Variants in SMC4 observed in about 807,000 individuals in gnomAD.
SMC4 encodes structural maintenance of chromosomes protein 4.
Under a neutral mutation model 145.6 loss-of-function variants are expected in SMC4, and 87 were observed. The ratio of observed to expected loss-of-function variants is 0.60; its 90% CI spans 0.50 to 0.71. The LOEUF is 0.71. Among genes scored for constraint, SMC4 ranks in the 30% least tolerant of loss-of-function variants. The probability of loss-of-function intolerance (pLI) is 0.00; values close to 1 mark genes in which losing one functional copy is unlikely to be tolerated. For synonymous variants in SMC4, 558 were observed against 500.7 expected (o/e 1.11, Z -1.53); for missense variants, 1,447 against 1,537.1 (o/e 0.94, Z 0.98).
intron 4 of SMC4, among the ~76,000 whole-genome samples, chr3:160,403,792 T>C (rs1470766413): frequency 6.6e-6 from 1 of 152,140 alleles, no homozygotes; most frequent in Non-Finnish European, 1.5e-5. Context: ...GCAATTGATT[T>C]TTTTAAAAAT....
At chr3:160,416,565 G>A in intron 10 of SMC4, 150 bp downstream of exon 10, 1 of 449,198 alleles carries the variant, frequency 2.2e-6, no homozygotes, top group Non-Finnish European at 3.9e-6. Context: ...AGACTTAGAT[G>A]ACTATTCTTT....
chr3:160,402,406 C>G (rs1028582335), intron 3 of SMC4, among the ~76,000 whole-genome samples: 11 of 151,960 alleles, frequency 7.2e-5, no homozygotes, highest in African/African-American at 1.9e-4. Context: ...TTAAAGCCTT[C>G]TATGGAACCC....
rs199883937 is a variant in SMC4 at position 160,426,613 on chromosome 3, A to AT, written c.2605+421dup. Among the ~76,000 whole-genome samples, 369 of 151,936 alleles carry AT rather than the reference A, an allele frequency of 2.4e-3. 2 individuals are homozygous for AT. In the East Asian group the frequency reaches 0.029, roughly 12 times the overall value. On this transcript the variant is annotated intron_variant, in intron 17 of 23. Coordinates refer to ENST00000357388, the MANE Select transcript of SMC4 (RefSeq NM_001002800.3). ...GAAAACTTAAAATATATATATATGT[A>AT]TTTTTTTTCTTTCATAACTTCTTCT... is the stretch of plus-strand genomic sequence containing the variant.
chr3:160,412,514 C>A (rs1559996404), intron 7 of SMC4, 61 bp downstream of exon 7: 1 of 1,489,992 alleles, frequency 6.7e-7, no homozygotes, highest in Non-Finnish European at 8.9e-7. Context: ...AAGTCAAAGC[C>A]CTTCTCTTTT....
Position 160,412,678 on chromosome 3 carries a change from A to G in SMC4, c.980+225A>G, listed in dbSNP as rs1009391812. The G allele has an allele frequency of 1.0e-5, 9 of 882,558 alleles. No homozygotes were observed. The African/African-American group carries it at 1.3e-4, about 12-fold the overall frequency. The allele number at this position is 882,558 out of a possible 1,614,324, so 54.7% of individuals were successfully genotyped here. On this transcript the variant is annotated intron_variant, in intron 7 of 23. Coordinates refer to ENST00000357388, the MANE Select transcript of SMC4 (RefSeq NM_001002800.3). The stretch of plus-strand genomic sequence containing the variant: ...GGAGTTCAAGACCAGCCTGGGCAAC[A>G]TAGCAAGACCCCATCTCTACAAAAA...
chr3:160,431,105 A>C lies in SMC4; in HGVS notation c.3014A>C (p.His1005Pro), dbSNP rs771796538. 1 of 1,608,736 alleles carries C rather than the reference A, an allele frequency of 6.2e-7. No individual in the cohort carries two copies. The highest frequency in any genetic ancestry group is 1.7e-5 in the Admixed American group (1 of 58,564). ...TTAAAAGTTATTCAAGAAAATGAAC[A>C]TGCTCTTCAAAAAGATGCACTTAGT... ...QELKVIQENE[H>P]ALQKDALSIK... Residue 1005 changes from histidine (H) to proline (P), a missense_variant, in exon 20 of 24, where the codon CAT (histidine) becomes CCT (proline). Physicochemically the swap from His to Pro is moderately conservative, Grantham distance 77. Coordinates refer to ENST00000357388, the MANE Select transcript of SMC4 (RefSeq NM_001002800.3).
intron 22 of SMC4, 96 bp from the exon 23 acceptor site, chr3:160,432,930 A>G (rs1046377881): frequency 4.9e-6 from 4 of 814,268 alleles, no homozygotes; most frequent in Non-Finnish European, 7.9e-6. Flanking sequence ...ACAGATTCCT[A>G]AAAAAGATAG....
rs181716883 is a variant in SMC4 at position 160,429,057 on chromosome 3, T to C, written c.2795+115T>C. 20 of 834,704 alleles carry C rather than the reference T, an allele frequency of 2.4e-5. No individual in the cohort carries two copies. In the East Asian group the frequency reaches 5.6e-4, roughly 23 times the overall value. The allele number at this position is 834,704 out of a possible 1,614,324, so 51.7% of individuals were successfully genotyped here. A position where few individuals can be genotyped will look rare whatever the true frequency, so the allele number is the denominator to read the frequency against. The stretch of plus-strand genomic sequence containing the variant: ...TCTCTTACTGTTAATTTATTGAACC[T>C]GTCTGACACATTACCTAATGGGACT... On this transcript the variant is annotated intron_variant, in intron 18 of 23. Transcript: ENST00000357388.
At position 160,431,024 on chromosome 3, in the gene SMC4, G is replaced by A. The variant is rs779721744; in HGVS notation, c.2941-8G>A. The A allele has an allele frequency of 5.3e-5, 84 of 1,590,614 alleles. 1 individual carries two copies. The highest frequency in any genetic ancestry group is 1.3e-4 in the South Asian group (11 of 85,956). ...AAATTCTATCTAGCAGTTCTTTTCG[G>A]TGTTTAGGAATCCTTACCAGAGATC... On this transcript the variant is annotated splice_region_variant and splice_polypyrimidine_tract_variant and intron_variant, in intron 19 of 23. Transcript: ENST00000357388.
Position 160,413,632 on chromosome 3 carries a change from G to A in SMC4, c.1121+19G>A. The A allele has an allele frequency of 8.2e-7, 1 of 1,224,150 alleles. No homozygotes were observed. The highest frequency in any genetic ancestry group is 1.1e-6 in the Non-Finnish European group (1 of 875,326). 75.8% of individuals were successfully genotyped at this position (1,224,150 alleles called of 1,614,324 possible). Reference sequence around the variant, plus strand: ...CAGAAAAGTAATAATATTTTGGGAAGTACTAAAAGTATTTAGATAATTGTA... The same window carrying A: ...CAGAAAAGTAATAATATTTTGGGAAATACTAAAAGTATTTAGATAATTGTA... On this transcript the variant is annotated intron_variant, in intron 8 of 23. Coordinates refer to ENST00000357388, the MANE Select transcript of SMC4 (RefSeq NM_001002800.3).
At chr3:160,401,456 C>A in intron 2 of SMC4, among the ~76,000 whole-genome samples, 1 of 152,122 alleles carries the variant, frequency 6.6e-6, no homozygotes, top group Non-Finnish European at 1.5e-5. Flanking sequence ...AGTTGGGTGA[C>A]ATTATTAAAC....
chr3:160,431,717 T>C lies in SMC4; in HGVS notation c.3189T>C (p.Leu1063=), dbSNP rs766287778. Residue 1063 remains leucine, a synonymous_variant, in exon 21 of 24, where the codon CTT becomes CTC. Transcript: ENST00000357388. ...EEISVLSPED[L]EAIKNPDSIT... ...TTTCGGTTCTAAGCCCAGAGGATCT[T>C]GAAGCGATCAAGAATCCAGATTCTA... 2.8e-5 allele frequency: 45 copies of C among 1,613,880 alleles called. No homozygotes were observed. The highest frequency in any genetic ancestry group is 3.6e-5 in the Non-Finnish European group (42 of 1,179,966).
intron 9 of SMC4, 45 bp from the exon 10 acceptor site, chr3:160,416,206 G>A (rs752882486): frequency 6.5e-6 from 9 of 1,375,542 alleles, no homozygotes; most frequent in Non-Finnish European, 8.8e-6. Flanking sequence ...ATAGTATTGG[G>A]TAACATAAAG....
intron 16 of SMC4, among the ~76,000 whole-genome samples, chr3:160,425,422 T>C (rs910325028): frequency 3.3e-5 from 5 of 152,218 alleles, no homozygotes; most frequent in Non-Finnish European, 5.9e-5. Context: ...TTTCAACTTT[T>C]CTAATACCTA....
chr3:160,414,816 C>A (rs764860375), intron 9 of SMC4, among the ~76,000 whole-genome samples: 24 of 152,150 alleles, frequency 1.6e-4, no homozygotes, highest in Non-Finnish European at 3.2e-4. Flanking sequence ...AGAAACCTAC[C>A]TCAGCCTCCC....
intron 7 of SMC4, 22 bp from the exon 8 acceptor site, chr3:160,413,448 CTTT>C (rs77742046): frequency 1.3e-4 from 161 of 1,273,682 alleles, no homozygotes; most frequent in South Asian, 3.2e-4. Flanking sequence ...GCTTCAATTT[CTTT>C]TTTTTTTTTT....
chr3:160,409,220 C>A (rs976559692), intron 5 of SMC4, among the ~76,000 whole-genome samples: 2 of 133,032 alleles, frequency 1.5e-5, no homozygotes, highest in African/African-American at 5.8e-5. Flanking sequence ...GAGTCGAGAT[C>A]GCGCCACTGC....
Position 160,424,859 on chromosome 3 carries a change from C to T in SMC4, c.2326-8C>T. 1 of 1,610,880 alleles carries T rather than the reference C, an allele frequency of 6.2e-7. No individual in the cohort carries two copies. Among genetic ancestry groups the T allele is most frequent in the South Asian group, 1.1e-5 (1 of 90,764 alleles). On this transcript the variant is annotated splice_polypyrimidine_tract_variant and splice_region_variant and intron_variant, in intron 15 of 23. Transcript: ENST00000357388. ...TGAAATGGCTCTTAGAGAAAACTTT[C>T]TTTGTAGGTAAACAAAATGGAATCA... is the stretch of plus-strand genomic sequence containing the variant.
At position 160,423,630 on chromosome 3, in the gene SMC4, G is replaced by A; in HGVS notation, c.2225G>A (p.Gly742Glu). The A allele has an allele frequency of 6.2e-7, 1 of 1,612,394 alleles. No homozygotes were observed. The highest frequency in any genetic ancestry group is 8.5e-7 in the Non-Finnish European group (1 of 1,178,976). The change falls in exon 14 of 24, where the codon GGA becomes GAA. Residue 742 changes from glycine to glutamate, a missense_variant. Coordinates refer to ENST00000357388, the MANE Select transcript of SMC4 (RefSeq NM_001002800.3). ...AGATGGAGAGTGGTAACTTTACAGGGACAAATCATAGAACAGTCAGGTAAT... is the reference window on the plus strand; with the variant it reads ...AGATGGAGAGTGGTAACTTTACAGGAACAAATCATAGAACAGTCAGGTAAT... ...DRRWRVVTLQ[G>E]QIIEQSGTMT...
Sources: allele counts gnomAD v4.1 joint callset (sites outside exome capture counted in the v4.1 genomes callset), GRCh38; gene constraint gnomAD v4.1.1; transcripts MANE v1.5; gene names NCBI Gene and HGNC (gene_info 2026-07-23, HGNC 2026-07-21).